Variants in RSRC1 observed in about 807,000 individuals in gnomAD.
RSRC1 encodes arginine and serine rich coiled-coil 1.
In RSRC1, 39 loss-of-function variants were observed where a neutral mutation model predicts 49.1. The observed-to-expected ratio is 0.79, with a 90% confidence interval of 0.61 to 1.04. RSRC1 has a LOEUF of 1.04. Ranked by LOEUF, RSRC1 falls within the 50% of genes least tolerant of loss-of-function variation. The pLI is 0.00. For missense variants in RSRC1, 388 were observed against 402.4 expected, an observed-to-expected ratio of 0.96 and a Z score of 0.31; for synonymous variants, 143 against 130.8, an observed-to-expected ratio of 1.09 and a Z score of -0.63.
chr3:158,122,561 A>G (rs1465408320), intron 2 of RSRC1, among the ~76,000 whole-genome samples: 1 of 140,764 alleles, frequency 7.1e-6, no homozygotes, highest in Non-Finnish European at 1.5e-5. Flanking sequence ...TTTCTAGTGC[A>G]TTTATTTATT....
intron 5 of RSRC1, among the ~76,000 whole-genome samples, chr3:158,306,232 CCTGTATCCTTCT>C (rs1395776762): frequency 6.6e-6 from 1 of 151,938 alleles, no homozygotes; most frequent in Non-Finnish European, 1.5e-5. Context: ...CCACTCATCT[CCTGTATCCTTCT>C]CTGTTTTCAG....
chr3:158,433,064 A>G (rs777239369), intron 6 of RSRC1, among the ~76,000 whole-genome samples: 1 of 151,936 alleles, frequency 6.6e-6, no homozygotes, highest in Non-Finnish European at 1.5e-5. Context: ...TAAAACAGAG[A>G]AAAAAGATCA....
rs537730189 is a variant in RSRC1, at chr3:158,206,422, A to G, written c.494+3177A>G. On this transcript the variant is annotated intron_variant, in intron 4 of 9. Coordinates refer to ENST00000611884, the MANE Select transcript of RSRC1 (RefSeq NM_001271838.2). Reference sequence around the variant, plus strand: ...GAGGCATCAGGATGTGTGTGGTACAATTTGAGGGACTGAAGTCTAGTGGGG... The same window carrying G: ...GAGGCATCAGGATGTGTGTGGTACAGTTTGAGGGACTGAAGTCTAGTGGGG... Among the ~76,000 whole-genome samples the G allele has an allele frequency of 5.9e-5, 9 of 152,268 alleles. No homozygotes were observed. In the South Asian group the frequency reaches 6.2e-4, roughly 11 times the overall value.
At chr3:158,515,488 C>T (rs535754242) in intron 7 of RSRC1, among the ~76,000 whole-genome samples, 10 of 137,426 alleles carry the variant, frequency 7.3e-5, no homozygotes, top group East Asian at 4.0e-4. Flanking sequence ...TGATGGGCTT[C>T]CCTTTGAGGG....
chr3:158,146,711 C>T (rs550896481), intron 3 of RSRC1, among the ~76,000 whole-genome samples: 2 of 152,224 alleles, frequency 1.3e-5, no homozygotes, highest in East Asian at 1.9e-4. Flanking sequence ...ATGGTACCAG[C>T]TCCTCCTTGT....
Position 158,467,400 on chromosome 3 carries a change from C to T in RSRC1, c.652+6397C>T, listed in dbSNP as rs1268650851. On this transcript the variant is annotated intron_variant, in intron 7 of 9. Transcript: ENST00000611884. ...TGTGACCTTAGGTAGTCCCTTTGAA[C>T]CAAGTTTCCCCATCTGTTAATAAGT... Among the ~76,000 whole-genome samples the T allele has an allele frequency of 7.2e-5, 11 of 152,280 alleles. No homozygotes were observed. In the East Asian group the frequency reaches 1.9e-3, roughly 27 times the overall value.
chr3:158,138,185 G>T (rs1379600734), intron 3 of RSRC1, among the ~76,000 whole-genome samples: 1 of 152,082 alleles, frequency 6.6e-6, no homozygotes, highest in Non-Finnish European at 1.5e-5. Context: ...CTACTTTTCT[G>T]TTTTTCAGCT....
rs903910467 is a variant in RSRC1, at chr3:158,273,510, C to T, written c.495-24529C>T. Among the ~76,000 whole-genome samples, 9 of 152,090 alleles carry T rather than the reference C, an allele frequency of 5.9e-5. No individual in the cohort carries two copies. In the East Asian group the frequency reaches 9.6e-4, roughly 16 times the overall value. On this transcript the variant is annotated intron_variant, in intron 4 of 9. Coordinates refer to ENST00000611884, the MANE Select transcript of RSRC1 (RefSeq NM_001271838.2). ...AAATCTTAATAAAATATGGAACTCA[C>T]GGATAAATTATCCCCCATTCTATCG...
chr3:158,319,753 A>G (rs1354798687), intron 5 of RSRC1, among the ~76,000 whole-genome samples: 1 of 152,214 alleles, frequency 6.6e-6, no homozygotes, highest in Non-Finnish European at 1.5e-5. Flanking sequence ...TTAATAAGGT[A>G]CACTACTAGA....
intron 1 of RSRC1, among the ~76,000 whole-genome samples, chr3:158,113,286 G>C (rs1278982944): frequency 6.6e-6 from 1 of 151,872 alleles, no homozygotes; most frequent in Non-Finnish European, 1.5e-5. Flanking sequence ...CACAATGGTT[G>C]AACTAATTTA....
At chr3:158,390,100 A>G (rs1029646271) in intron 6 of RSRC1, among the ~76,000 whole-genome samples, 7 of 152,170 alleles carry the variant, frequency 4.6e-5, no homozygotes, top group Non-Finnish European at 1.0e-4. Context: ...TAATTTCAGG[A>G]ACTATGACCA....
At chr3:158,256,967 C>T (rs1362883035) in intron 4 of RSRC1, among the ~76,000 whole-genome samples, 5 of 152,030 alleles carry the variant, frequency 3.3e-5, no homozygotes, top group African/African-American at 1.2e-4. Context: ...CTCTTTTCTT[C>T]TTTAATAGTC....
chr3:158,426,240 A>G (rs1320454337), intron 6 of RSRC1, among the ~76,000 whole-genome samples: 1 of 151,714 alleles, frequency 6.6e-6, no homozygotes, highest in Non-Finnish European at 1.5e-5. Flanking sequence ...AGACATCTTG[A>G]TGAAAGGCAA....
chr3:158,388,600 G>A (rs1276029179), intron 6 of RSRC1, among the ~76,000 whole-genome samples: 1 of 132,398 alleles, frequency 7.6e-6, no homozygotes, highest in Non-Finnish European at 1.6e-5. Context: ...AGCCAAATTA[G>A]CCGTGTTTTT....
At chr3:158,530,894 TAAAAAA>T (rs371856421) in intron 7 of RSRC1, among the ~76,000 whole-genome samples, 4 of 77,640 alleles carry the variant, frequency 5.2e-5, no homozygotes, top group Non-Finnish European at 7.5e-5. Flanking sequence ...TAGAGTATAA[TAAAAAA>T]AAAAATAATA....
At chr3:158,412,280 G>T (rs930864009) in intron 6 of RSRC1, among the ~76,000 whole-genome samples, 1 of 152,078 alleles carries the variant, frequency 6.6e-6, no homozygotes, top group Admixed American at 6.6e-5. Context: ...TATGTGATTC[G>T]AATGTATTTG....
In RSRC1 at chr3:158,508,042, T is replaced by C. The variant is rs965312647; in HGVS notation, c.653-29050T>C. ...GAGCTATGATCATGCCACTGCACTCTAGCCTAGATAATAGAATGAGAGAGA... is the reference window on the plus strand; with the variant it reads ...GAGCTATGATCATGCCACTGCACTCCAGCCTAGATAATAGAATGAGAGAGA... On this transcript the variant is annotated intron_variant, in intron 7 of 9. Coordinates refer to ENST00000611884, the MANE Select transcript of RSRC1 (RefSeq NM_001271838.2). 3.9e-5 allele frequency among the ~76,000 whole-genome samples: 6 copies of C among 152,224 alleles called. No individual in the cohort carries two copies. The South Asian group carries it at 1.2e-3, about 32-fold the overall frequency.
intron 6 of RSRC1, among the ~76,000 whole-genome samples, chr3:158,436,176 G>A (rs560722671): frequency 6.6e-5 from 10 of 151,868 alleles, no homozygotes; most frequent in African/African-American, 2.2e-4. Flanking sequence ...GTAAGATATC[G>A]GACCTCAAGT....
chr3:158,216,177 AG>A (rs1408343785), intron 4 of RSRC1, among the ~76,000 whole-genome samples: 1 of 151,538 alleles, frequency 6.6e-6, no homozygotes, highest in Non-Finnish European at 1.5e-5. Context: ...CATAATATAA[AG>A]GCATAATTTT....
Sources: allele counts gnomAD v4.1 joint callset (sites outside exome capture counted in the v4.1 genomes callset), GRCh38; gene constraint gnomAD v4.1.1; transcripts MANE v1.5; gene names NCBI Gene and HGNC (gene_info 2026-07-23, HGNC 2026-07-21).